The following B3GALT1 variants were observed in gnomAD, a reference collection of about 807,000 sequenced individuals.
B3GALT1 encodes the protein beta-1,3-galactosyltransferase 1, also known as UDP-Gal:betaGlcNAc beta 1,3-galactosyltransferase, polypeptide 1.
B3GALT1 carries 10 observed loss-of-function variants against 23.2 expected under a neutral mutation model. That is an observed-to-expected ratio of 0.43 (90% confidence interval 0.27 to 0.73). B3GALT1 has a LOEUF of 0.73. B3GALT1 is among the 30% of genes least tolerant of loss of function. B3GALT1 has a pLI of 0.21. For synonymous variants in B3GALT1, 156 were observed against 141.5 expected, an observed-to-expected ratio of 1.10 and a Z score of -0.73; for missense variants, 299 against 405.4, an observed-to-expected ratio of 0.74 and a Z score of 2.25.
chr2:167,489,151 G>C (rs1213903475), intron 1 of B3GALT1, among the ~76,000 whole-genome samples: 1 of 152,072 alleles, frequency 6.6e-6, no homozygotes, highest in East Asian at 1.9e-4. Context: ...CAGATCATTT[G>C]ATAAGCCAAG....
intron 1 of B3GALT1, among the ~76,000 whole-genome samples, chr2:167,332,054 T>C (rs556822056): frequency 1.3e-5 from 2 of 152,292 alleles, no homozygotes; most frequent in South Asian, 2.1e-4. Context: ...TGCCCTAGAC[T>C]TGGGGGCTTG....
intron 1 of B3GALT1, among the ~76,000 whole-genome samples, chr2:167,412,788 A>T (rs1362061321): frequency 6.6e-6 from 1 of 152,166 alleles, no homozygotes; most frequent in Non-Finnish European, 1.5e-5. Flanking sequence ...ATGTATAAGC[A>T]TATTCATGGA....
rs1370092531 is a variant in B3GALT1 at position 167,512,637 on chromosome 2, C to CGTATATATATATATATAT, written c.-410+22360_-410+22361insGTATATATATATATATAT. Among the ~76,000 whole-genome samples the CGTATATATATATATATAT allele has an allele frequency of 5.4e-4, 35 of 64,948 alleles. 1 individual carries two copies. Among genetic ancestry groups the CGTATATATATATATATAT allele is most frequent in the African/African-American group, 2.7e-3 (34 of 12,824 alleles). 42.6% of individuals were successfully genotyped at this position (64,948 alleles called of 152,430 possible). On this transcript the variant is annotated intron_variant, in intron 2 of 4. Coordinates refer to ENST00000392690, the MANE Select transcript of B3GALT1 (RefSeq NM_020981.4). Reference sequence around the variant, plus strand: ...ATATATATACGTGTATATATATATACATATATATATATATTTTGAGATAGG... The same window carrying CGTATATATATATATATAT: ...ATATATATACGTGTATATATATATACGTATATATATATATATATATATATATATATATTTTGAGATAGG...
chr2:167,793,673 C>T (rs1386900706), intron 3 of B3GALT1, among the ~76,000 whole-genome samples: 1 of 152,118 alleles, frequency 6.6e-6, no homozygotes. Context: ...TTTGGAGACT[C>T]GGGAGATAAA....
At chr2:167,462,759 T>C (rs534144561) in intron 1 of B3GALT1, among the ~76,000 whole-genome samples, 1 of 152,324 alleles carries the variant, frequency 6.6e-6, no homozygotes, top group East Asian at 1.9e-4. Context: ...TCTTTCAGTA[T>C]AGATTCTTCT....
chr2:167,814,887 C>A (rs1037281807), intron 3 of B3GALT1: 2 of 152,192 alleles, frequency 1.3e-5, no homozygotes, highest in African/African-American at 4.8e-5. Context: ...AGTGGGAGAA[C>A]CCCTGGTTTC....
At position 167,836,680 on chromosome 2, in the gene B3GALT1, C is replaced by T. The variant is rs558154201; in HGVS notation, c.-230+17887C>T. Reference sequence around the variant, plus strand: ...CAGATTCAGGAAATACAGAGAACACCACAAAGATAATCCTCAAGAAGAGCA... The same window carrying T: ...CAGATTCAGGAAATACAGAGAACACTACAAAGATAATCCTCAAGAAGAGCA... On this transcript the variant is annotated intron_variant, in intron 4 of 4. Transcript: ENST00000392690. Among the ~76,000 whole-genome samples, 3 of 152,180 alleles carry T rather than the reference C, an allele frequency of 2.0e-5. No homozygotes were observed. In the East Asian group the frequency reaches 5.8e-4, roughly 29 times the overall value.
intron 1 of B3GALT1, among the ~76,000 whole-genome samples, chr2:167,425,509 GA>G (rs1194316006): frequency 2.0e-5 from 3 of 152,114 alleles, no homozygotes; most frequent in African/African-American, 7.2e-5. Flanking sequence ...ATATAGTTGA[GA>G]AAAAAATTAC....
intron 1 of B3GALT1, among the ~76,000 whole-genome samples, chr2:167,394,080 G>A (rs1366642807): frequency 6.6e-6 from 1 of 152,150 alleles, no homozygotes; most frequent in Non-Finnish European, 1.5e-5. Flanking sequence ...AATTTTAGCT[G>A]TGAAATTAAT....
At chr2:167,669,135 A>G (rs1196453367) in intron 3 of B3GALT1, among the ~76,000 whole-genome samples, 1 of 151,698 alleles carries the variant, frequency 6.6e-6, no homozygotes, top group Admixed American at 6.6e-5. Flanking sequence ...TGTATCCTTC[A>G]CTCCTCCTAA....
At chr2:167,516,268 C>A (rs941218828) in intron 2 of B3GALT1, among the ~76,000 whole-genome samples, 2 of 152,092 alleles carry the variant, frequency 1.3e-5, no homozygotes, top group African/African-American at 2.4e-5. Flanking sequence ...GATTTAAGAA[C>A]TTACCAATGG....
chr2:167,741,877 A>G (rs1382105663), intron 3 of B3GALT1, among the ~76,000 whole-genome samples: 1 of 152,196 alleles, frequency 6.6e-6, no homozygotes, highest in South Asian at 2.1e-4. Flanking sequence ...TGTGAAGGCA[A>G]CTTCATAACT....
intron 2 of B3GALT1, among the ~76,000 whole-genome samples, chr2:167,504,293 T>C (rs1036626740): frequency 2.0e-5 from 3 of 152,204 alleles, no homozygotes; most frequent in African/African-American, 7.2e-5. Flanking sequence ...TAAATTGGAA[T>C]GGATACAATT....
At chr2:167,555,946 A>G (rs973273802) in intron 2 of B3GALT1, among the ~76,000 whole-genome samples, 1 of 152,200 alleles carries the variant, frequency 6.6e-6, no homozygotes, top group African/African-American at 2.4e-5. Context: ...CTCTGAATAC[A>G]TGCCTCACCA....
intron 3 of B3GALT1, chr2:167,714,142 A>G (rs1393133501): frequency 2.3e-5 from 35 of 1,526,352 alleles, no homozygotes; most frequent in Non-Finnish European, 3.0e-5. Context: ...GCATATTAAA[A>G]CTTCTGAGTT....
intron 2 of B3GALT1, among the ~76,000 whole-genome samples, chr2:167,634,403 A>C (rs183190707): frequency 6.6e-6 from 1 of 152,144 alleles, no homozygotes; most frequent in Non-Finnish European, 1.5e-5. Context: ...AAATCAATGA[A>C]TCCAGGAGCT....
intron 2 of B3GALT1, among the ~76,000 whole-genome samples, chr2:167,502,674 C>T: frequency 6.6e-6 from 1 of 152,134 alleles, no homozygotes; most frequent in East Asian, 1.9e-4. Flanking sequence ...ATTACAAGAA[C>T]AGCAAGGGGG....
chr2:167,656,255 G>C (rs972146898), intron 3 of B3GALT1, among the ~76,000 whole-genome samples: 1 of 152,124 alleles, frequency 6.6e-6, no homozygotes, highest in Non-Finnish European at 1.5e-5. Context: ...ATAGAGCTCA[G>C]TTTCACTTCT....
At chr2:167,856,325 T>C (rs1343228730) in intron 4 of B3GALT1, among the ~76,000 whole-genome samples, 1 of 152,112 alleles carries the variant, frequency 6.6e-6, no homozygotes, top group Non-Finnish European at 1.5e-5. Flanking sequence ...ATATATACCA[T>C]TTAAGAGAGA....
Sources: gnomAD v4.1 joint callset for allele counts (sites outside exome capture counted in the v4.1 genomes callset) on GRCh38, gnomAD v4.1.1 for gene constraint, MANE v1.5 for transcripts, NCBI Gene and HGNC (gene_info 2026-07-23, HGNC 2026-07-21) for gene names.